Variants in CADM2 observed in about 807,000 individuals in gnomAD.
The protein encoded by CADM2 is immunoglobulin superfamily member 4D.
Under a neutral mutation model 49.8 loss-of-function variants are expected in CADM2, and 12 were observed. The observed-to-expected ratio is 0.24, with a 90% CI of 0.15 to 0.39. CADM2 has a LOEUF of 0.39. Among genes scored for constraint, CADM2 ranks in the 10% least tolerant of loss-of-function variants. The pLI, the probability that CADM2 is intolerant of heterozygous loss-of-function variation, is 1.00. For synonymous variants in CADM2, 214 were observed against 175.4 expected (o/e 1.22, Z -1.74); for missense variants, 378 against 492.3 (o/e 0.77, Z 2.20).
chr3:85,483,344 G>A (rs1446430018), intron 1 of CADM2, among the ~76,000 whole-genome samples: 1 of 151,262 alleles, frequency 6.6e-6, no homozygotes, highest in East Asian at 1.9e-4. Context: ...ATAAATTAGT[G>A]TAAATATAAG....
intron 3 of CADM2, among the ~76,000 whole-genome samples, chr3:85,877,475 GT>G (rs1024366909): frequency 6.6e-6 from 1 of 152,000 alleles, no homozygotes; most frequent in Non-Finnish European, 1.5e-5. Context: ...ACATAGAAAA[GT>G]TAAATGATAT....
intron 1 of CADM2, among the ~76,000 whole-genome samples, chr3:85,673,492 TAA>T (rs573804511): frequency 7.1e-6 from 1 of 141,212 alleles, no homozygotes; most frequent in Non-Finnish European, 1.5e-5. Flanking sequence ...AGAGTGCTAT[TAA>T]AAAAAAAAAA....
intron 1 of CADM2, among the ~76,000 whole-genome samples, chr3:85,654,944 T>C (rs531931345): frequency 1.3e-5 from 2 of 152,204 alleles, no homozygotes; most frequent in African/African-American, 2.4e-5. Flanking sequence ...AAAACTTAGA[T>C]ATAATTAATT....
chr3:85,998,259 A>C (rs893583534), intron 8 of CADM2, among the ~76,000 whole-genome samples: 2 of 152,080 alleles, frequency 1.3e-5, no homozygotes, highest in African/African-American at 4.8e-5. Flanking sequence ...TGATATAACA[A>C]CTCCATGACT....
chr3:85,101,395 C>T (rs775996142), intron 1 of CADM2, among the ~76,000 whole-genome samples: 16 of 152,098 alleles, frequency 1.1e-4, no homozygotes, highest in Middle Eastern at 3.4e-3. Flanking sequence ...TGCCTTGTTA[C>T]GATATATTAT....
intron 8 of CADM2, among the ~76,000 whole-genome samples, chr3:86,062,095 T>G (rs191996759): frequency 4.6e-5 from 7 of 152,188 alleles, no homozygotes; most frequent in Admixed American, 4.6e-4. Context: ...TTTTTAGAAT[T>G]TACCTTCAGC....
chr3:85,976,281 C>A (rs112464574), intron 8 of CADM2, among the ~76,000 whole-genome samples: 1 of 151,478 alleles, frequency 6.6e-6, no homozygotes, highest in Non-Finnish European at 1.5e-5. Context: ...GGATTCCAGG[C>A]AGAGCTCTTC....
intron 1 of CADM2, among the ~76,000 whole-genome samples, chr3:85,392,176 G>A (rs72905465): frequency 0.039 from 5,888 of 152,094 alleles, 381 homozygotes; most frequent in African/African-American, 0.13. Context: ...TGAGAACAGT[G>A]AGTTAGATTG....
At chr3:85,946,220 A>C (rs1722670026) in intron 7 of CADM2, among the ~76,000 whole-genome samples, 1 of 151,820 alleles carries the variant, frequency 6.6e-6, no homozygotes. Context: ...TCCAACTTAC[A>C]AGGGATGTGA....
intron 1 of CADM2, among the ~76,000 whole-genome samples, chr3:85,086,288 AT>A (rs1343402118): frequency 3.9e-5 from 6 of 152,000 alleles, no homozygotes; most frequent in African/African-American, 1.4e-4. Flanking sequence ...AATTTACTCT[AT>A]ATTTCAATAC....
At chr3:85,046,943 C>A (rs1311286101) in intron 1 of CADM2, among the ~76,000 whole-genome samples, 1 of 151,466 alleles carries the variant, frequency 6.6e-6, no homozygotes, top group Non-Finnish European at 1.5e-5. Flanking sequence ...AAATATCTTA[C>A]CAAATTTCTA....
At chr3:85,966,449 T>C (rs773782810) in intron 8 of CADM2, among the ~76,000 whole-genome samples, 1 of 151,760 alleles carries the variant, frequency 6.6e-6, no homozygotes, top group East Asian at 2.0e-4. Flanking sequence ...CTTATTCCCT[T>C]ACTTCATTAT....
intron 1 of CADM2, among the ~76,000 whole-genome samples, chr3:85,568,397 CTCTT>C (rs71108298): frequency 0.01 from 522 of 51,988 alleles, 53 homozygotes; most frequent in Middle Eastern, 0.026. Context: ...TCCTTCCTCC[CTCTT>C]TCTTTCTTTC....
chr3:85,912,799 G>A (rs1221705671), intron 6 of CADM2, among the ~76,000 whole-genome samples: 1 of 152,094 alleles, frequency 6.6e-6, no homozygotes, highest in Non-Finnish European at 1.5e-5. Flanking sequence ...GTGGCTTAAC[G>A]TAGGCGTGCA....
chr3:85,230,867 G>A (rs1276806464), intron 1 of CADM2, among the ~76,000 whole-genome samples: 1 of 152,010 alleles, frequency 6.6e-6, no homozygotes, highest in African/African-American at 2.4e-5. Context: ...GAGGAAAACT[G>A]TATGTTATTT....
intron 1 of CADM2, among the ~76,000 whole-genome samples, chr3:85,197,770 A>C (rs563590424): frequency 2.0e-5 from 3 of 152,046 alleles, no homozygotes; most frequent in Admixed American, 1.3e-4. Flanking sequence ...ATTTCTTATC[A>C]TGATGCTGCT....
At chr3:85,202,020 C>T (rs967492900) in intron 1 of CADM2, among the ~76,000 whole-genome samples, 1 of 135,596 alleles carries the variant, frequency 7.4e-6, no homozygotes, top group Non-Finnish European at 1.5e-5. Context: ...GAGGAGGTTG[C>T]AATGAACCGA....
intron 2 of CADM2, among the ~76,000 whole-genome samples, chr3:85,788,196 T>C (rs1251329969): frequency 1.3e-5 from 2 of 152,176 alleles, no homozygotes; most frequent in Admixed American, 6.6e-5. Flanking sequence ...TTGAATAAAC[T>C]AATGTCATTG....
intron 1 of CADM2, among the ~76,000 whole-genome samples, chr3:85,560,378 A>G (rs948524034): frequency 6.6e-6 from 1 of 152,242 alleles, no homozygotes; most frequent in African/African-American, 2.4e-5. Flanking sequence ...TTGCCAAGGA[A>G]TAAGCTGAAG....
Sources: gnomAD v4.1 joint callset for allele counts (sites outside exome capture counted in the v4.1 genomes callset) on GRCh38, gnomAD v4.1.1 for gene constraint, MANE v1.5 for transcripts, NCBI Gene and HGNC (gene_info 2026-07-23, HGNC 2026-07-21) for gene names.